Variants in WDR44 observed in about 807,000 individuals in gnomAD.
WDR44 encodes WD repeat-containing protein 44.
Under a neutral mutation model 65.7 loss-of-function variants are expected in WDR44, and 9 were observed. The observed-to-expected ratio is 0.14, with a 90% CI of 0.08 to 0.24. WDR44 has a LOEUF of 0.24. WDR44 is among the 10% of genes least tolerant of loss of function. The pLI, the probability that WDR44 is intolerant of heterozygous loss-of-function variation, is 1.00. For missense variants in WDR44, 425 were observed against 670.9 expected (o/e 0.63, Z 4.05); for synonymous variants, 220 against 235.2 (o/e 0.94, Z 0.59).
At position 118,374,610 on chromosome X, in the gene WDR44, T is replaced by C. The variant is rs184069659; in HGVS notation, c.78-3809T>C. ...GCAGGATCCCATTTTAATCACCAGC[T>C]CAATATGATATAGCTTTTTCATGTT... On this transcript the variant is annotated intron_variant, in intron 1 of 19. Transcript: ENST00000254029. 2.4e-3 allele frequency among the ~76,000 whole-genome samples: 271 copies of C among 111,906 alleles called. 2 individuals are homozygous for C. Among genetic ancestry groups the C allele is most frequent in the African/African-American group, 8.0e-3 (247 of 30,780 alleles).
chrX:118,386,491 C>T, intron 2 of WDR44: 1 of 339,312 alleles, frequency 2.9e-6, no homozygotes. Context: ...CATCTTTTTT[C>T]ATAGTTTTTT....
At chrX:118,369,218 C>T (rs1012743765) in intron 1 of WDR44, among the ~76,000 whole-genome samples, 3 of 110,716 alleles carry the variant, frequency 2.7e-5, no homozygotes, top group Admixed American at 9.6e-5. Flanking sequence ...TTCACCCAGG[C>T]GGGAGTGCAG....
intron 8 of WDR44, among the ~76,000 whole-genome samples, chrX:118,402,312 G>A (rs1472673435): frequency 9.4e-6 from 1 of 106,865 alleles, no homozygotes. Context: ...GTGGGCGCCT[G>A]TACTCCTAGC....
intron 1 of WDR44, among the ~76,000 whole-genome samples, chrX:118,370,018 T>C (rs1569359978): frequency 2.7e-5 from 3 of 112,072 alleles, no homozygotes; most frequent in African/African-American, 9.7e-5. Flanking sequence ...ATTGGCAGCA[T>C]TGATAGACAC....
chrX:118,413,142 T>C (rs1442809668), intron 12 of WDR44, among the ~76,000 whole-genome samples: 2 of 112,561 alleles, frequency 1.8e-5, no homozygotes, highest in Non-Finnish European at 3.8e-5. Context: ...CAAATTGTGC[T>C]GCTATAAACG....
At chrX:118,422,551 G>A (rs2057114128) in intron 12 of WDR44, among the ~76,000 whole-genome samples, 1 of 110,632 alleles carries the variant, frequency 9.0e-6, no homozygotes, top group African/African-American at 3.3e-5. Context: ...AATTAGCTGG[G>A]CATGGTGGCA....
chrX:118,433,142 G>A (rs753928316), intron 13 of WDR44, among the ~76,000 whole-genome samples: 5 of 111,706 alleles, frequency 4.5e-5, no homozygotes, highest in African/African-American at 1.6e-4. Flanking sequence ...TTAAATAATT[G>A]AGTACTAGCT....
chrX:118,418,386 A>G (rs987682749), intron 12 of WDR44, among the ~76,000 whole-genome samples: 2 of 111,280 alleles, frequency 1.8e-5, no homozygotes, highest in African/African-American at 6.6e-5. Flanking sequence ...CCCTTGATGT[A>G]GTACTCTTCC....
At chrX:118,442,421 A>G in intron 16 of WDR44, 76 bp downstream of exon 16, 1 of 999,151 alleles carries the variant, frequency 1.0e-6, no homozygotes, top group East Asian at 3.1e-5. Flanking sequence ...TTGGCAAAAA[A>G]ATGTATTCTC....
chrX:118,428,575 C>A (rs989893916), intron 12 of WDR44, among the ~76,000 whole-genome samples: 9 of 111,704 alleles, frequency 8.1e-5, no homozygotes, highest in African/African-American at 2.9e-4. Context: ...TTTATGCTTA[C>A]CTACTTTTAT....
chrX:118,377,052 G>A (rs2056666663), intron 1 of WDR44, among the ~76,000 whole-genome samples: 1 of 110,308 alleles, frequency 9.1e-6, no homozygotes, highest in Non-Finnish European at 1.9e-5. Context: ...ACAGAGTCTT[G>A]CTCCAGTAGA....
chrX:118,410,867 T>G lies in WDR44; in HGVS notation c.1673-28T>G, dbSNP rs765413778. On this transcript the variant is annotated intron_variant, in intron 11 of 19. Coordinates refer to ENST00000254029, the MANE Select transcript of WDR44 (RefSeq NM_019045.5). ...GGGTCTGTGTGTGTACATACATGCC[T>G]TTTTTACAATTATTATGTTGTTTTT... 9 of 1,179,783 alleles carry G rather than the reference T, an allele frequency of 7.6e-6. No individual in the cohort carries two copies. In the Admixed American group the frequency reaches 9.4e-5, roughly 12 times the overall value.
In WDR44 at chrX:118,398,473, G is replaced by A; in HGVS notation, c.1274+3G>A. The A allele has an allele frequency of 8.4e-7, 1 of 1,187,337 alleles. No individual in the cohort carries two copies. Among genetic ancestry groups the A allele is most frequent in the Non-Finnish European group, 1.1e-6 (1 of 875,950 alleles). On this transcript the variant is annotated splice_donor_region_variant and intron_variant, in intron 8 of 19. Transcript: ENST00000254029. Reference sequence around the variant, plus strand: ...GGTGGAAGGTTAAAACAGAAAACGTGAGTTACAGTACATCCCTTTTCTTCA... The same window carrying A: ...GGTGGAAGGTTAAAACAGAAAACGTAAGTTACAGTACATCCCTTTTCTTCA...
intron 13 of WDR44, among the ~76,000 whole-genome samples, chrX:118,433,466 A>C (rs780397293): frequency 2.7e-5 from 3 of 111,507 alleles, no homozygotes; most frequent in African/African-American, 9.8e-5. Flanking sequence ...CACTCAAAAC[A>C]TATCTGTTGA....
intron 1 of WDR44, among the ~76,000 whole-genome samples, chrX:118,347,597 G>A (rs2056364060): frequency 8.9e-6 from 1 of 112,242 alleles, no homozygotes; most frequent in Admixed American, 9.4e-5. Flanking sequence ...GGACTAATAT[G>A]GTTCGAGAAG....
chrX:118,430,194 GTT>G (rs201065574), intron 12 of WDR44, among the ~76,000 whole-genome samples: 1 of 97,430 alleles, frequency 1.0e-5, no homozygotes. Flanking sequence ...TAATTTTTCT[GTT>G]TTTTTTTTTT....
intron 12 of WDR44, among the ~76,000 whole-genome samples, chrX:118,430,514 C>T (rs1477759564): frequency 1.6e-4 from 16 of 103,111 alleles, no homozygotes; most frequent in Non-Finnish European, 3.1e-4. Flanking sequence ...TGCACTCCAG[C>T]CTGAGTGACA....
chrX:118,371,475 G>A (rs1413770077), intron 1 of WDR44, among the ~76,000 whole-genome samples: 1 of 111,562 alleles, frequency 9.0e-6, no homozygotes, highest in Non-Finnish European at 1.9e-5. Flanking sequence ...AGATCAGTAT[G>A]TAAAGTGAAG....
chrX:118,431,782 G>A (rs1391818833), intron 12 of WDR44, among the ~76,000 whole-genome samples: 3 of 111,918 alleles, frequency 2.7e-5, no homozygotes, highest in African/African-American at 9.7e-5. Flanking sequence ...ACAAACTTTG[G>A]ACTTACAGTT....
Sources: gnomAD v4.1 joint callset for allele counts (sites outside exome capture counted in the v4.1 genomes callset) on GRCh38, gnomAD v4.1.1 for gene constraint, MANE v1.5 for transcripts, NCBI Gene and HGNC (gene_info 2026-07-23, HGNC 2026-07-21) for gene names.